Variants in PHACTR4 observed in about 807,000 individuals in gnomAD.
PHACTR4 encodes phosphatase and actin regulator 4, also known as protein phosphatase 1, regulatory subunit 124.
PHACTR4 carries 51 observed loss-of-function variants against 72.7 expected under a neutral mutation model. That is an observed-to-expected ratio of 0.70 (90% CI 0.56 to 0.89). The LOEUF is 0.89. Ranked by LOEUF, PHACTR4 falls within the 40% of genes least tolerant of loss-of-function variation. PHACTR4 has a pLI of 0.00. For synonymous variants in PHACTR4, 255 were observed against 302.5 expected (o/e 0.84, Z 1.63); for missense variants, 731 against 861.8 (o/e 0.85, Z 1.90).
At chr1:28,480,721 T>C (rs1259725068) in intron 9 of PHACTR4, 117 bp downstream of exon 9, 3 of 1,355,368 alleles carry the variant, frequency 2.2e-6, no homozygotes, top group African/African-American at 1.4e-5. Context: ...GACAGGGTCT[T>C]GCTCTGTCAC....
chr1:28,470,533 A>AC (rs35374929), intron 6 of PHACTR4, among the ~76,000 whole-genome samples: 118 of 148,062 alleles, frequency 8.0e-4, no homozygotes, highest in East Asian at 4.8e-3. Context: ...TACAAAAAAT[A>AC]CCCCCCCCAA....
intron 1 of PHACTR4, among the ~76,000 whole-genome samples, chr1:28,370,165 C>G (rs986094792): frequency 6.6e-6 from 1 of 151,972 alleles, no homozygotes; most frequent in Non-Finnish European, 1.5e-5. Flanking sequence ...GGAGCCTGTT[C>G]CCCCGGTCCC....
intron 1 of PHACTR4, among the ~76,000 whole-genome samples, chr1:28,384,110 A>C (rs2124158630): frequency 6.6e-6 from 1 of 152,186 alleles, no homozygotes; most frequent in African/African-American, 2.4e-5. Context: ...AAGAATGTTG[A>C]CCTGAAGTTT....
At chr1:28,467,905 G>T (rs975826121) in intron 6 of PHACTR4, among the ~76,000 whole-genome samples, 2 of 152,254 alleles carry the variant, frequency 1.3e-5, no homozygotes, top group South Asian at 2.1e-4. Context: ...GGAGAGGAAA[G>T]CTAATGAGTG....
At chr1:28,476,320 A>G in intron 8 of PHACTR4, 29 bp downstream of exon 8, 1 of 1,555,208 alleles carries the variant, frequency 6.4e-7, no homozygotes, top group Non-Finnish European at 8.7e-7. Flanking sequence ...AGCAAAACAG[A>G]GAATTCTTTT....
At chr1:28,424,512 T>C (rs1041221330) in intron 2 of PHACTR4, among the ~76,000 whole-genome samples, 2 of 150,052 alleles carry the variant, frequency 1.3e-5, no homozygotes, top group African/African-American at 5.0e-5. Flanking sequence ...TTTTTTTTAG[T>C]CAGAGTCTCT....
At chr1:28,495,267 ATTCTTTTTTT>A (rs1661274815) in intron 13 of PHACTR4, among the ~76,000 whole-genome samples, 1 of 152,058 alleles carries the variant, frequency 6.6e-6, no homozygotes, top group South Asian at 2.1e-4. Context: ...ATGAGGCTTT[ATTCTTTTTTT>A]TTCTTTTTTT....
chr1:28,432,914 AT>A (rs66647759), intron 2 of PHACTR4: 13,841 of 158,828 alleles, frequency 0.087, 1,267 homozygotes, highest in African/African-American at 0.25. Flanking sequence ...TAATTTTTGT[AT>A]TTTTTTTTTT....
At chr1:28,496,474 C>A (rs769611652) in intron 13 of PHACTR4, 60 bp from the exon 14 acceptor site, 21 of 1,568,520 alleles carry the variant, frequency 1.3e-5, no homozygotes, top group Non-Finnish European at 1.1e-5. Flanking sequence ...ACTACTGATA[C>A]ATTAATAGCA....
intron 1 of PHACTR4, among the ~76,000 whole-genome samples, chr1:28,373,595 T>G (rs1651415382): frequency 6.6e-6 from 1 of 152,068 alleles, no homozygotes; most frequent in Non-Finnish European, 1.5e-5. Flanking sequence ...TGGCCCATAA[T>G]TTTATAATTT....
At position 28,496,732 on chromosome 1, in the gene PHACTR4, G is replaced by A; in HGVS notation, c.*183G>A. The A allele has an allele frequency of 2.9e-6, 2 of 680,996 alleles. No homozygotes were observed. Among genetic ancestry groups the A allele is most frequent in the Non-Finnish European group, 5.1e-6 (2 of 393,820 alleles). The allele number at this position is 680,996 out of a possible 1,614,324, so 42.2% of individuals were successfully genotyped here. A position where few individuals can be genotyped will look rare whatever the true frequency, so the allele number is the denominator to read the frequency against. On this transcript the variant is annotated 3_prime_UTR_variant, in exon 14 of 14. Transcript: ENST00000373839. ...ACAGAGTCTTATGTGCTGCACCGGG[G>A]GCAAAACAACACTTTGTCAGTGCTT... is the stretch of plus-strand genomic sequence containing the variant.
chr1:28,370,626 CT>C lies in PHACTR4; in HGVS notation c.-39+802del, dbSNP rs1328415792. ...TGATTGCTTGCAAAAAAAAAAAACC[CT>C]CCAGTGCTTCATTCGGACACTCAGC... On this transcript the variant is annotated intron_variant, in intron 1 of 13. Transcript: ENST00000373839. 2.3e-4 allele frequency among the ~76,000 whole-genome samples: 22 copies of C among 94,182 alleles called. 1 individual carries two copies. The highest frequency in any genetic ancestry group is 7.7e-4 in the African/African-American group (14 of 18,122). 61.8% of individuals were successfully genotyped at this position (94,182 alleles called of 152,430 possible).
intron 2 of PHACTR4, among the ~76,000 whole-genome samples, chr1:28,446,372 G>A (rs1031993714): frequency 2.0e-5 from 3 of 152,210 alleles, no homozygotes; most frequent in African/African-American, 7.2e-5. Context: ...AATCCCCAGT[G>A]TTGGAAGTGG....
chr1:28,484,088 C>T (rs1057350505), intron 9 of PHACTR4, among the ~76,000 whole-genome samples: 3 of 151,930 alleles, frequency 2.0e-5, no homozygotes, highest in Admixed American at 2.0e-4. Flanking sequence ...GTTTGAAGGC[C>T]GAGGCAGGTG....
At position 28,466,730 on chromosome 1, in the gene PHACTR4, C is replaced by G; in HGVS notation, c.785C>G (p.Pro262Arg). 1 of 1,613,244 alleles carries G rather than the reference C, an allele frequency of 6.2e-7. No individual in the cohort carries two copies. Among genetic ancestry groups the G allele is most frequent in the Non-Finnish European group, 8.5e-7 (1 of 1,179,466 alleles). ...CCTGCCAAGCAGCCCCCTATCCCTC[C>G]CCCTAAACCAGCTCACAGAAATAGC... ...MVPAKQPPIP[P>R]PKPAHRNSNP... The change falls in exon 6 of 14, where the codon CCC becomes CGC. Residue 262 changes from proline (P) to arginine (R), a missense_variant. By Grantham distance (103) the Pro-to-Arg change is moderately radical. Around this residue, in one of 2 missense-constraint regions of PHACTR4, gnomAD observed 621 missense variants for 676.6 expected, o/e 0.92. Transcript: ENST00000373839.
At position 28,369,828 on chromosome 1, in the gene PHACTR4, A is replaced by G. The variant is rs1255400294; in HGVS notation, c.-39+3A>G. 2.2e-6 allele frequency: 1 copy of G among 452,914 alleles called. No individual in the cohort carries two copies. The highest frequency in any genetic ancestry group is 4.4e-6 in the Non-Finnish European group (1 of 226,354). The allele number at this position is 452,914 out of a possible 1,614,324, so 28.1% of individuals were successfully genotyped here. ...AGGAGGCGGCGGCGGAGATCTGGGT[A>G]AGTTCAGCGAGCAAGGGAAAGTGAG... is the stretch of plus-strand genomic sequence containing the variant. On this transcript the variant is annotated splice_donor_region_variant and intron_variant, in intron 1 of 13. Transcript: ENST00000373839.
At chr1:28,448,387 A>AAAAAG (rs1045639369) in intron 2 of PHACTR4, among the ~76,000 whole-genome samples, 1 of 150,698 alleles carries the variant, frequency 6.6e-6, no homozygotes, top group African/African-American at 2.5e-5. Context: ...TGTTTCAAAA[A>AAAAAG]AAAAGAAAAG....
At chr1:28,403,335 C>G (rs1047056616) in intron 1 of PHACTR4, among the ~76,000 whole-genome samples, 2 of 152,164 alleles carry the variant, frequency 1.3e-5, no homozygotes, top group Non-Finnish European at 2.9e-5. Flanking sequence ...TGTGCTGTAA[C>G]GGCTGGGCTT....
intron 4 of PHACTR4, among the ~76,000 whole-genome samples, chr1:28,463,191 C>T (rs931401519): frequency 4.6e-5 from 7 of 151,800 alleles, no homozygotes; most frequent in African/African-American, 9.7e-5. Context: ...CAGAGTGAGA[C>T]CCTGTTTTTT....
Sources: gnomAD v4.1 joint callset for allele counts (sites outside exome capture counted in the v4.1 genomes callset) on GRCh38, gnomAD v4.1.1 for gene constraint, gnomAD v4.1.1 regional missense constraint, MANE v1.5 for transcripts, NCBI Gene and HGNC (gene_info 2026-07-23, HGNC 2026-07-21) for gene names.